The following ESF1 variants were observed in gnomAD, a reference collection of about 807,000 sequenced individuals.
ESF1 encodes the protein ESF1 homolog.
A neutral mutation model predicts 92.0 loss-of-function variants in ESF1; 58 were observed. The ratio of observed to expected loss-of-function variants is 0.63; its 90% CI spans 0.51 to 0.78. The LOEUF is 0.78. Ranked by LOEUF, ESF1 falls within the 30% of genes least tolerant of loss-of-function variation. The pLI is 0.00. For synonymous variants in ESF1, 321 were observed against 313.7 expected (o/e 1.02, Z -0.24); for missense variants, 922 against 989.1 (o/e 0.93, Z 0.91).
intron 11 of ESF1, among the ~76,000 whole-genome samples, chr20:13,720,984 G>A (rs542003919): frequency 2.2e-4 from 34 of 152,296 alleles, no homozygotes; most frequent in African/African-American, 7.7e-4. Flanking sequence ...TTAGCCAAGC[G>A]TGGTGGCCAG....
chr20:13,731,323 A>T (rs1260993025), intron 10 of ESF1, among the ~76,000 whole-genome samples: 2 of 152,032 alleles, frequency 1.3e-5, no homozygotes, highest in Non-Finnish European at 2.9e-5. Flanking sequence ...TGAGGTCAGG[A>T]GATTGAGACT....
chr20:13,767,930 C>A (rs938309993), intron 7 of ESF1, among the ~76,000 whole-genome samples: 2 of 152,200 alleles, frequency 1.3e-5, no homozygotes, highest in Non-Finnish European at 2.9e-5. Flanking sequence ...GAAATGATCC[C>A]TATTCTGACA....
At position 13,775,914 on chromosome 20, in the gene ESF1, C is replaced by G; in HGVS notation, c.994G>C (p.Ala332Pro). 1 of 1,613,084 alleles carries G rather than the reference C, an allele frequency of 6.2e-7. No homozygotes were observed. Among genetic ancestry groups the G allele is most frequent in the Non-Finnish European group, 8.5e-7 (1 of 1,179,572 alleles). ...LFPEESGFEHAWRELDKDAPR... is the reference protein window; with the variant it reads ...LFPEESGFEHPWRELDKDAPR... Reference sequence around the variant, plus strand: ...GCATCTTTATCTAATTCTCTCCAAGCATGCTCAAAACCAGATTCTTCTGGA... The same window carrying G: ...GCATCTTTATCTAATTCTCTCCAAGGATGCTCAAAACCAGATTCTTCTGGA... Residue 332 changes from alanine (A) to proline (P), a missense_variant, in exon 3 of 14, where the codon GCT becomes CCT. Ala to Pro is a conservative substitution (Grantham distance 27). Coordinates refer to ENST00000617257, the MANE Select transcript of ESF1 (RefSeq NM_001276380.2).
intron 9 of ESF1, among the ~76,000 whole-genome samples, chr20:13,753,461 C>T (rs919301408): frequency 4.7e-5 from 7 of 150,192 alleles, no homozygotes; most frequent in African/African-American, 1.7e-4. Flanking sequence ...TACACTCTTC[C>T]TTATTGTAGA....
intron 2 of ESF1, among the ~76,000 whole-genome samples, chr20:13,776,663 C>T (rs888848646): frequency 6.6e-6 from 1 of 152,092 alleles, no homozygotes; most frequent in African/African-American, 2.4e-5. Flanking sequence ...ACATGGATAT[C>T]AAATAAAATC....
At chr20:13,747,776 T>A (rs1163111216) in intron 9 of ESF1, among the ~76,000 whole-genome samples, 1 of 152,180 alleles carries the variant, frequency 6.6e-6, no homozygotes, top group Non-Finnish European at 1.5e-5. Context: ...CTAGATGGTG[T>A]GTAGCTTACC....
intron 7 of ESF1, among the ~76,000 whole-genome samples, chr20:13,768,795 G>T (rs1979546587): frequency 6.6e-6 from 1 of 150,940 alleles, no homozygotes; most frequent in African/African-American, 2.4e-5. Flanking sequence ...TACCGGGGAG[G>T]CTGTGGCAGA....
chr20:13,784,530 G>C (rs1980547409), intron 1 of ESF1, among the ~76,000 whole-genome samples: 1 of 152,044 alleles, frequency 6.6e-6, no homozygotes, highest in Non-Finnish European at 1.5e-5. Context: ...CCGAGAGAGG[G>C]GAAGGCGACC....
intron 9 of ESF1, among the ~76,000 whole-genome samples, chr20:13,758,154 C>T (rs1270589567): frequency 6.6e-6 from 1 of 152,158 alleles, no homozygotes; most frequent in Non-Finnish European, 1.5e-5. Flanking sequence ...TATATTATTA[C>T]GTTAAAATCT....
At chr20:13,771,118 G>T (rs1262134108) in intron 6 of ESF1, among the ~76,000 whole-genome samples, 1 of 152,152 alleles carries the variant, frequency 6.6e-6, no homozygotes, top group Non-Finnish European at 1.5e-5. Context: ...ATGTCTGAAA[G>T]GACAAAGATG....
intron 13 of ESF1, among the ~76,000 whole-genome samples, chr20:13,715,665 C>T (rs2049819699): frequency 6.6e-6 from 1 of 152,214 alleles, no homozygotes; most frequent in Admixed American, 6.5e-5. Flanking sequence ...TTAAAGACCA[C>T]TATGGCAAAT....
chr20:13,733,881 ATT>A, intron 9 of ESF1, 39 bp from the exon 10 acceptor site: 1 of 1,566,274 alleles, frequency 6.4e-7, no homozygotes, highest in East Asian at 2.3e-5. Flanking sequence ...AAAATGTCTT[ATT>A]GTCTGGCAAT....
chr20:13,754,999 C>T (rs890887712), intron 9 of ESF1, among the ~76,000 whole-genome samples: 1 of 152,216 alleles, frequency 6.6e-6, no homozygotes, highest in Non-Finnish European at 1.5e-5. Flanking sequence ...AGGCTCACTC[C>T]CTGACCTCTA....
At chr20:13,719,804 C>T (rs1250808309) in intron 11 of ESF1, among the ~76,000 whole-genome samples, 1 of 152,064 alleles carries the variant, frequency 6.6e-6, no homozygotes, top group African/African-American at 2.4e-5. Flanking sequence ...AAACTCAACA[C>T]TATATATCAA....
chr20:13,747,152 T>C (rs1332525819), intron 9 of ESF1, among the ~76,000 whole-genome samples: 2 of 152,144 alleles, frequency 1.3e-5, no homozygotes, highest in Non-Finnish European at 2.9e-5. Context: ...AGTAATCCTT[T>C]AAGGTTTACT....
rs914456617 is a variant in ESF1, at chr20:13,731,803, C to T, written c.1950+1918G>A. Reference sequence around the variant, plus strand: ...AGACCTTCCCCAGAGAGGGTCCTGCCCTGTAGTTGTGGGGAAGGAATGCTG... The same window carrying T: ...AGACCTTCCCCAGAGAGGGTCCTGCTCTGTAGTTGTGGGGAAGGAATGCTG... On this transcript the variant is annotated intron_variant, in intron 10 of 13. Transcript: ENST00000617257. 4.6e-5 allele frequency among the ~76,000 whole-genome samples: 7 copies of T among 152,232 alleles called. 1 individual carries two copies. In the South Asian group the frequency reaches 1.4e-3, roughly 32 times the overall value.
At chr20:13,765,050 C>CTACTAAAACACAAAA (rs1332591236) in intron 8 of ESF1, among the ~76,000 whole-genome samples, 1 of 152,108 alleles carries the variant, frequency 6.6e-6, no homozygotes, top group African/African-American at 2.4e-5. Flanking sequence ...TGGTGAAACC[C>CTACTAAAACACAAAA]CATCTCTACT....
intron 5 of ESF1, among the ~76,000 whole-genome samples, chr20:13,771,912 C>T (rs1043645319): frequency 2.3e-5 from 3 of 128,774 alleles, no homozygotes; most frequent in African/African-American, 5.7e-5. Context: ...ACAACACATT[C>T]TTTTTTTTTT....
intron 9 of ESF1, among the ~76,000 whole-genome samples, chr20:13,755,837 G>A (rs1978867916): frequency 1.3e-5 from 2 of 152,062 alleles, no homozygotes; most frequent in South Asian, 4.1e-4. Flanking sequence ...ATAACCCAAT[G>A]TAAAAAGGTA....
Sources: allele counts gnomAD v4.1 joint callset (sites outside exome capture counted in the v4.1 genomes callset), GRCh38; gene constraint gnomAD v4.1.1; transcripts MANE v1.5; gene names NCBI Gene and HGNC (gene_info 2026-07-23, HGNC 2026-07-21).